Variants in DDX1 observed in about 807,000 individuals in gnomAD.
DDX1 encodes DEAD-box helicase 1, also known as ATP-dependent RNA helicase DDX1.
A neutral mutation model predicts 108.7 loss-of-function variants in DDX1; 28 were observed. That is an observed-to-expected ratio of 0.26 (90% CI 0.19 to 0.35). The LOEUF is 0.35. DDX1 is among the 10% of genes least tolerant of loss of function. The pLI is 1.00. For missense variants in DDX1, 710 were observed against 884.5 expected (o/e 0.80, Z 2.50); for synonymous variants, 295 against 288.9 (o/e 1.02, Z -0.21).
chr2:15,597,335 A>G (rs373791320), intron 4 of DDX1, 40 bp from the exon 5 acceptor site: 6 of 1,248,354 alleles, frequency 4.8e-6, no homozygotes, highest in African/African-American at 1.5e-5. Context: ...TGTCGTTAAT[A>G]TGTGAATACT....
chr2:15,620,440 TTA>T, intron 17 of DDX1, 44 bp downstream of exon 17: 1 of 1,484,996 alleles, frequency 6.7e-7, no homozygotes, highest in African/African-American at 1.4e-5. Flanking sequence ...ATAAAGCAAT[TTA>T]TAAACTAGGT....
At chr2:15,613,023 G>A (rs1433864502) in intron 13 of DDX1, among the ~76,000 whole-genome samples, 1 of 151,856 alleles carries the variant, frequency 6.6e-6, no homozygotes, top group African/African-American at 2.4e-5. Context: ...GAGACCGTGG[G>A]GAGAGGGAGA....
intron 16 of DDX1, among the ~76,000 whole-genome samples, chr2:15,619,758 T>G (rs1665962680): frequency 6.6e-6 from 1 of 152,234 alleles, no homozygotes; most frequent in Non-Finnish European, 1.5e-5. Flanking sequence ...TCTTAGTTAC[T>G]TTGTCCTGTA....
chr2:15,629,343 CTT>C (rs2148750835), intron 23 of DDX1, among the ~76,000 whole-genome samples: 1 of 152,156 alleles, frequency 6.6e-6, no homozygotes, highest in South Asian at 2.1e-4. Flanking sequence ...TTTCATCCTA[CTT>C]TTATCTGAGA....
At chr2:15,609,774 A>G (rs1354575749) in intron 13 of DDX1, among the ~76,000 whole-genome samples, 1 of 152,244 alleles carries the variant, frequency 6.6e-6, no homozygotes, top group Admixed American at 6.5e-5. Context: ...GTTTAGGACA[A>G]TAGTCCAAAC....
At chr2:15,593,358 T>C (rs2148735504) in intron 1 of DDX1, among the ~76,000 whole-genome samples, 1 of 152,322 alleles carries the variant, frequency 6.6e-6, no homozygotes, top group East Asian at 1.9e-4. Flanking sequence ...TTCACATCTT[T>C]GGGAGTCATA....
chr2:15,613,388 G>T, intron 14 of DDX1, 104 bp downstream of exon 14: 2 of 721,700 alleles, frequency 2.8e-6, no homozygotes, highest in Admixed American at 2.8e-5. Flanking sequence ...TGAAATTAGA[G>T]CAAGGTCAGA....
intron 1 of DDX1, among the ~76,000 whole-genome samples, chr2:15,593,128 G>T (rs1665444962): frequency 6.6e-6 from 1 of 152,036 alleles, no homozygotes; most frequent in African/African-American, 2.4e-5. Flanking sequence ...CACCATGTTG[G>T]CCAGGCTGGT....
chr2:15,631,052 G>A lies in DDX1; in HGVS notation c.*146G>A. 2 of 657,376 alleles carry A rather than the reference G, an allele frequency of 3.0e-6. No individual in the cohort carries two copies. Among genetic ancestry groups the A allele is most frequent in the African/African-American group, 1.8e-5 (1 of 54,672 alleles). The allele number at this position is 657,376 out of a possible 1,614,324, so 40.7% of individuals were successfully genotyped here. A position where few individuals can be genotyped will look rare whatever the true frequency, so the allele number is the denominator to read the frequency against. ...TGCATGTCAAGAAACATTAGTCTTA[G>A]GAATTCTTCAAAAAATGGCATCCCA... is the stretch of plus-strand genomic sequence containing the variant. On this transcript the variant is annotated 3_prime_UTR_variant, in exon 26 of 26. Coordinates refer to ENST00000233084, the MANE Select transcript of DDX1 (RefSeq NM_004939.3).
chr2:15,601,480 A>G (rs1665588969), intron 6 of DDX1, among the ~76,000 whole-genome samples: 1 of 152,184 alleles, frequency 6.6e-6, no homozygotes, highest in South Asian at 2.1e-4. Context: ...CTCAGGTTCA[A>G]TTAATTTGCT....
At chr2:15,600,076 A>G (rs1665564882) in intron 6 of DDX1, among the ~76,000 whole-genome samples, 1 of 152,258 alleles carries the variant, frequency 6.6e-6, no homozygotes, top group African/African-American at 2.4e-5. Context: ...TTAAATATAT[A>G]TGTATGAATT....
At chr2:15,602,820 TCTC>T (rs1665608344) in intron 7 of DDX1, among the ~76,000 whole-genome samples, 189 bp downstream of exon 7, 1 of 152,140 alleles carries the variant, frequency 6.6e-6, no homozygotes. Flanking sequence ...TTCAAGCAAT[TCTC>T]CTACCGCAGC....
chr2:15,620,992 T>C, intron 17 of DDX1, 73 bp from the exon 18 acceptor site: 1 of 954,912 alleles, frequency 1.0e-6, no homozygotes, highest in Admixed American at 2.2e-5. Flanking sequence ...ATCTCCCTTT[T>C]AAAACATGAC....
At chr2:15,622,934 A>G (rs567373965) in intron 18 of DDX1, among the ~76,000 whole-genome samples, 31 of 152,202 alleles carry the variant, frequency 2.0e-4, no homozygotes, top group Non-Finnish European at 4.6e-4. Flanking sequence ...AAAAATTACT[A>G]GAGTTTTGTG....
rs765451022 is a variant in DDX1, at chr2:15,627,148, A to G, written c.1686+3A>G. The G allele has an allele frequency of 1.9e-6, 3 of 1,549,746 alleles. No homozygotes were observed. The highest frequency in any genetic ancestry group is 2.7e-5 in the African/African-American group (2 of 73,556). ...AGCAAAACTTGGAAAGATTTAAGGT[A>G]CTGATACATAGTTGATTGTTTCCTT... is the stretch of plus-strand genomic sequence containing the variant. On this transcript the variant is annotated splice_donor_region_variant and intron_variant, in intron 20 of 25. Coordinates refer to ENST00000233084, the MANE Select transcript of DDX1 (RefSeq NM_004939.3).
chr2:15,619,022 C>G (rs551453564), intron 16 of DDX1, among the ~76,000 whole-genome samples: 5 of 152,184 alleles, frequency 3.3e-5, no homozygotes, highest in Non-Finnish European at 7.4e-5. Context: ...TAGGGCCCCC[C>G]GAGTGCAGAG....
Position 15,607,332 on chromosome 2 carries a change from C to T in DDX1, c.956+19C>T. The T allele has an allele frequency of 6.2e-7, 1 of 1,608,846 alleles. No individual in the cohort carries two copies. On this transcript the variant is annotated intron_variant, in intron 13 of 25. Coordinates refer to ENST00000233084, the MANE Select transcript of DDX1 (RefSeq NM_004939.3). The stretch of plus-strand genomic sequence containing the variant: ...AATTAAGGTAAATCTTCCTTTTGTG[C>T]TGAAATGCTTATTGTCTTTTGGTTT...
At chr2:15,611,413 C>T (rs552683643) in intron 13 of DDX1, among the ~76,000 whole-genome samples, 1,851 of 149,188 alleles carry the variant, frequency 0.012, 52 homozygotes, top group African/African-American at 0.044. Context: ...ACCTCCCAGA[C>T]GGGGTGGTGG....
chr2:15,617,285 G>A lies in DDX1; in HGVS notation c.1059G>A (p.Leu353=), dbSNP rs775966964. 2 of 1,593,214 alleles carry A rather than the reference G, an allele frequency of 1.3e-6. No homozygotes were observed. The highest frequency in any genetic ancestry group is 1.7e-6 in the Non-Finnish European group (2 of 1,167,682). ...VVGTPGRLDD[L]VSTGKLNLSQ... is the part of the protein sequence containing the mutation. ...GTACTCCGGGAAGACTAGATGACTT[G>A]GTGTCAACTGGAAAGCTGAACTTAT... The change falls in exon 15 of 26, where the codon TTG becomes TTA. Residue 353 remains leucine, a synonymous_variant. Coordinates refer to ENST00000233084, the MANE Select transcript of DDX1 (RefSeq NM_004939.3).
Sources: gnomAD v4.1 joint callset for allele counts (sites outside exome capture counted in the v4.1 genomes callset) on GRCh38, gnomAD v4.1.1 for gene constraint, MANE v1.5 for transcripts, NCBI Gene and HGNC (gene_info 2026-07-23, HGNC 2026-07-21) for gene names.